PCLO: variants seen among roughly 807,000 people sequenced by gnomAD.
PCLO encodes the protein protein piccolo.
Under a neutral mutation model 427.5 loss-of-function variants are expected in PCLO, and 82 were observed. The ratio of observed to expected loss-of-function variants is 0.19; its 90% CI spans 0.16 to 0.23. The LOEUF (loss-of-function observed/expected upper bound fraction) is 0.23. Ranked by LOEUF, PCLO falls within the 10% of genes least tolerant of loss-of-function variation. The probability of loss-of-function intolerance (pLI) is 1.00; values close to 1 mark genes in which losing one functional copy is unlikely to be tolerated. For synonymous variants in PCLO, 2,357 were observed against 2,155.4 expected, an observed-to-expected ratio of 1.09 and a Z score of -2.59; for missense variants, 6,239 against 6,115.9, an observed-to-expected ratio of 1.02 and a Z score of -0.67.
In PCLO at chr7:82,778,715, C is replaced by T. The variant is rs545831525; in HGVS notation, c.15008-17222G>A. On this transcript the variant is annotated intron_variant, in intron 22 of 24. Transcript: ENST00000333891. ...AGTATTTTTTTTCCATGTAGGCAAC[C>T]GATTTTCTCTGAGTCATTTATTTAT... Among the ~76,000 whole-genome samples the T allele has an allele frequency of 8.0e-4, 122 of 151,788 alleles. 4 individuals are homozygous for T. In the South Asian group the frequency reaches 0.024, roughly 29 times the overall value.
intron 22 of PCLO, among the ~76,000 whole-genome samples, chr7:82,778,515 C>T (rs756545152): frequency 2.2e-4 from 34 of 152,066 alleles, no homozygotes; most frequent in Non-Finnish European, 4.0e-4. Flanking sequence ...ATTTGCTGAA[C>T]AAAAGTTTTA....
At chr7:82,874,668 G>A (rs1442487539) in intron 10 of PCLO, among the ~76,000 whole-genome samples, 2 of 152,090 alleles carry the variant, frequency 1.3e-5, no homozygotes, top group Admixed American at 6.6e-5. Context: ...AGCATTTATT[G>A]TTTTAAGTCT....
At position 82,954,593 on chromosome 7, in the gene PCLO, G is replaced by A. The variant is rs766884322; in HGVS notation, c.6360C>T (p.Thr2120=). The A allele has an allele frequency of 3.7e-6, 6 of 1,613,890 alleles. No individual in the cohort carries two copies. The highest frequency in any genetic ancestry group is 1.1e-5 in the South Asian group (1 of 91,082). Residue 2120 remains threonine (T), a synonymous_variant, in exon 5 of 25, where the codon ACC becomes ACT. Transcript: ENST00000333891. ...CTGGGATAGAGAGTGTTGCACTGCT[G>A]GTCGAATCTGTAAGAGACGCTCCTG... is the stretch of plus-strand genomic sequence containing the variant. ...VLSGASLTDS[T]SSATLSIPDV...
chr7:83,153,818 C>T (rs149514230), intron 2 of PCLO, among the ~76,000 whole-genome samples: 37 of 152,202 alleles, frequency 2.4e-4, no homozygotes, highest in African/African-American at 8.7e-4. Flanking sequence ...TTTCTTTATA[C>T]CATCTTCACT....
chr7:83,065,385 G>C (rs73163014), intron 3 of PCLO, among the ~76,000 whole-genome samples: 1 of 149,776 alleles, frequency 6.7e-6, no homozygotes, highest in East Asian at 1.9e-4. Context: ...AAAAACTCTC[G>C]AAGTTCCCAA....
chr7:82,805,948 T>C (rs1373023630), intron 20 of PCLO, 119 bp from the exon 21 acceptor site: 2 of 945,498 alleles, frequency 2.1e-6, no homozygotes, highest in African/African-American at 1.7e-5. Context: ...ACTGAAGAAC[T>C]CTACATTTTT....
At chr7:82,793,327 G>A (rs1191675985) in intron 22 of PCLO, among the ~76,000 whole-genome samples, 1 of 152,080 alleles carries the variant, frequency 6.6e-6, no homozygotes, top group Non-Finnish European at 1.5e-5. Context: ...TGTGGCCGAC[G>A]CTCAGGTGAA....
rs1790572118 is a variant in PCLO, at chr7:83,096,918, T to TAA, written c.3300+37331_3300+37332insTT. On this transcript the variant is annotated intron_variant, in intron 3 of 24. Coordinates refer to ENST00000333891, the MANE Select transcript of PCLO (RefSeq NM_033026.6). ...ATATTAATATTATATTATCTAAATA[T>TAA]ATATAATATAATATAATATATTATA... 2.9e-5 allele frequency among the ~76,000 whole-genome samples: 2 copies of TAA among 68,498 alleles called. 1 individual carries two copies. Among genetic ancestry groups the TAA allele is most frequent in the African/African-American group, 1.4e-4 (2 of 14,726 alleles). 44.9% of individuals were successfully genotyped at this position (68,498 alleles called of 152,430 possible). A position where few individuals can be genotyped will look rare whatever the true frequency, so the allele number is the denominator to read the frequency against.
chr7:82,866,052 C>A lies in PCLO; in HGVS notation c.13654+13285G>T, dbSNP rs140179640. ...GCTCTTTCACGTGTTCACTCAGTTTCAGCCACGTTGGCTTCCTTTCTGTCT... is the reference window on the plus strand; with the variant it reads ...GCTCTTTCACGTGTTCACTCAGTTTAAGCCACGTTGGCTTCCTTTCTGTCT... On this transcript the variant is annotated intron_variant, in intron 10 of 24. Transcript: ENST00000333891. 3.9e-3 allele frequency among the ~76,000 whole-genome samples: 587 copies of A among 152,292 alleles called. 1 individual carries two copies. The highest frequency in any genetic ancestry group is 7.2e-3 in the Non-Finnish European group (487 of 68,014).
intron 3 of PCLO, among the ~76,000 whole-genome samples, chr7:83,023,930 T>C (rs1562924995): frequency 6.6e-6 from 1 of 152,188 alleles, no homozygotes; most frequent in African/African-American, 2.4e-5. Flanking sequence ...CTGGAATGCA[T>C]ACCAAACAAA....
chr7:82,818,039 A>ATCT (rs1791712731), intron 20 of PCLO, among the ~76,000 whole-genome samples: 2 of 152,296 alleles, frequency 1.3e-5, no homozygotes, highest in South Asian at 4.1e-4. Flanking sequence ...CAAATAAAAA[A>ATCT]TCTTTTGAAA....
rs558921107 is a variant in PCLO, at chr7:82,946,993, T to C, written c.11112+2483A>G. The stretch of plus-strand genomic sequence containing the variant: ...AATCCAAACTTTGTAAGGCAGCAGA[T>C]TAGATCTCCAGTGATCTGGCCCTCA... On this transcript the variant is annotated intron_variant, in intron 6 of 24. Coordinates refer to ENST00000333891, the MANE Select transcript of PCLO (RefSeq NM_033026.6). 2.6e-5 allele frequency among the ~76,000 whole-genome samples: 4 copies of C among 152,288 alleles called. No individual in the cohort carries two copies. In the South Asian group the frequency reaches 8.3e-4, roughly 32 times the overall value.
intron 6 of PCLO, among the ~76,000 whole-genome samples, chr7:82,944,756 C>T (rs761152415): frequency 4.7e-4 from 71 of 152,122 alleles, no homozygotes; most frequent in Admixed American, 6.5e-4. Flanking sequence ...ACTGAAGAAA[C>T]ACAGATATTT....
At position 82,902,742 on chromosome 7, in the gene PCLO, C is replaced by G. The variant is rs1335829846; in HGVS notation, c.13438-1G>C. ...TAGTTTTCCCGTTCATCTGTATAAT[C>G]TAAGACATACATGTAGTAAGGTAAA... On this transcript the variant is annotated splice_acceptor_variant, in intron 8 of 24. Transcript: ENST00000333891. LOFTEE classifies it high-confidence loss of function. The G allele has an allele frequency of 2.0e-6, 3 of 1,515,504 alleles. No homozygotes were observed. Among genetic ancestry groups the G allele is most frequent in the Non-Finnish European group, 2.7e-6 (3 of 1,092,208 alleles). The allele number at this position is 1,515,504 out of a possible 1,614,324, so 93.9% of individuals were successfully genotyped here.
At chr7:83,144,845 T>C (rs1363038757) in intron 2 of PCLO, among the ~76,000 whole-genome samples, 1 of 152,190 alleles carries the variant, frequency 6.6e-6, no homozygotes, top group African/African-American at 2.4e-5. Flanking sequence ...TAGTAAAGCC[T>C]GCTACTTGAT....
chr7:82,758,481 C>A lies in PCLO; in HGVS notation c.*94G>T, dbSNP rs190701568. 88 of 1,001,438 alleles carry A rather than the reference C, an allele frequency of 8.8e-5. No individual in the cohort carries two copies. The African/African-American group carries it at 1.1e-3, about 13-fold the overall frequency. The allele number at this position is 1,001,438 out of a possible 1,614,324, so 62.0% of individuals were successfully genotyped here. On this transcript the variant is annotated 3_prime_UTR_variant, in exon 25 of 25. Coordinates refer to ENST00000333891, the MANE Select transcript of PCLO (RefSeq NM_033026.6). ...TTGTTGTTCCCACTCTTATGTTTGC[C>A]TCTCAAAACTTAGCTTTGTACAATA...
chr7:82,805,321 A>G (rs1269213870), intron 21 of PCLO, among the ~76,000 whole-genome samples: 1 of 152,186 alleles, frequency 6.6e-6, no homozygotes, highest in East Asian at 1.9e-4. Flanking sequence ...TCCTGATTCA[A>G]GGTAAATTAA....
intron 3 of PCLO, among the ~76,000 whole-genome samples, chr7:83,093,637 C>T (rs1189691452): frequency 2.0e-4 from 30 of 148,752 alleles, no homozygotes; most frequent in Admixed American, 2.0e-3. Flanking sequence ...GGACTACAGG[C>T]GCCCGCTACC....
At chr7:82,934,835 A>G (rs570470029) in intron 6 of PCLO, among the ~76,000 whole-genome samples, 4 of 151,662 alleles carry the variant, frequency 2.6e-5, no homozygotes, top group Admixed American at 6.6e-5. Context: ...CACTTACATA[A>G]AAGTACTACT....
Sources: gnomAD v4.1 joint callset for allele counts (sites outside exome capture counted in the v4.1 genomes callset) on GRCh38, gnomAD v4.1.1 for gene constraint, MANE v1.5 for transcripts, NCBI Gene and HGNC (gene_info 2026-07-23, HGNC 2026-07-21) for gene names.